The following KIF13B variants were observed in gnomAD, a reference collection of about 807,000 sequenced individuals.
KIF13B encodes kinesin family member 13B.
KIF13B carries 127 observed loss-of-function variants against 222.0 expected under a neutral mutation model. The observed-to-expected ratio is 0.57, with a 90% confidence interval of 0.50 to 0.66. The LOEUF (loss-of-function observed/expected upper bound fraction) is 0.66, where lower values mean the gene tolerates loss of function less well. Among genes scored for constraint, KIF13B ranks in the 30% least tolerant of loss-of-function variants. KIF13B has a pLI of 0.00. For synonymous variants in KIF13B, 976 were observed against 919.0 expected, an observed-to-expected ratio of 1.06 and a Z score of -1.12; for missense variants, 2,173 against 2,379.0, an observed-to-expected ratio of 0.91 and a Z score of 1.80.
intron 37 of KIF13B, among the ~76,000 whole-genome samples, chr8:29,079,357 A>G (rs1446174179): frequency 6.6e-6 from 1 of 152,174 alleles, no homozygotes; most frequent in Admixed American, 6.5e-5. Flanking sequence ...ACACTCACAC[A>G]TGACGGTATC....
intron 38 of KIF13B, 102 bp from the exon 39 acceptor site, chr8:29,072,418 G>GA (rs1807342269): frequency 1.4e-6 from 1 of 715,784 alleles, no homozygotes; most frequent in Non-Finnish European, 2.0e-6. Context: ...CAGGGGCAGT[G>GA]GCTCAGCCTG....
At chr8:29,235,082 A>G (rs1380295157) in intron 2 of KIF13B, among the ~76,000 whole-genome samples, 1 of 152,192 alleles carries the variant, frequency 6.6e-6, no homozygotes, top group African/African-American at 2.4e-5. Context: ...ATTCTTCCCA[A>G]TGGAAATTTA....
At position 29,122,616 on chromosome 8, in the gene KIF13B, A is replaced by T; in HGVS notation, c.3510T>A (p.Ile1170=). 1 of 1,610,458 alleles carries T rather than the reference A, an allele frequency of 6.2e-7. No homozygotes were observed. The highest frequency in any genetic ancestry group is 1.1e-5 in the South Asian group (1 of 89,888). ...CATTTAAGTCCAGGAATATAACAGG[A>T]ATGTGTGTCTCCATCCCAGGTACTG... ...WTPVPGMETH[I]PVIFLDLNAD... is the part of the protein sequence containing the mutation. Residue 1170 remains isoleucine (I), a synonymous_variant, in exon 29 of 40, where the codon ATT becomes ATA. Coordinates refer to ENST00000524189, the MANE Select transcript of KIF13B (RefSeq NM_015254.4).
At chr8:29,209,864 C>A (rs1402345400) in intron 2 of KIF13B, among the ~76,000 whole-genome samples, 1 of 127,026 alleles carries the variant, frequency 7.9e-6, no homozygotes, top group Non-Finnish European at 1.6e-5. Flanking sequence ...CCAGTCTGGG[C>A]AGTGAGACCC....
chr8:29,221,465 TAA>T (rs758078417), intron 2 of KIF13B, among the ~76,000 whole-genome samples: 63 of 130,482 alleles, frequency 4.8e-4, no homozygotes, highest in Non-Finnish European at 5.1e-4. Flanking sequence ...ACCCTGTATT[TAA>T]AAAAAAAAAA....
chr8:29,140,513 A>G lies in KIF13B; in HGVS notation c.2439T>C (p.Asp813=). The change falls in exon 20 of 40, where the codon GAT becomes GAC. Residue 813 remains aspartate, a synonymous_variant. Transcript: ENST00000524189. ...ANVFLESLFY[D]VKLQYAVPII... ...TGGGAACAGCGTATTGTAACTTCACATCATAGAAAAGTGACTCGAGGAAGA... is the reference window on the plus strand; with the variant it reads ...TGGGAACAGCGTATTGTAACTTCACGTCATAGAAAAGTGACTCGAGGAAGA... 1.2e-6 allele frequency: 2 copies of G among 1,613,972 alleles called. No homozygotes were observed. The highest frequency in any genetic ancestry group is 1.7e-6 in the Non-Finnish European group (2 of 1,179,860).
At chr8:29,086,148 G>T (rs1428793376) in intron 37 of KIF13B, among the ~76,000 whole-genome samples, 1 of 151,862 alleles carries the variant, frequency 6.6e-6, no homozygotes, top group African/African-American at 2.4e-5. Flanking sequence ...TGCATTTCTA[G>T]TAGTAATAAA....
chr8:29,239,807 T>C (rs1475382775), intron 2 of KIF13B, among the ~76,000 whole-genome samples: 2 of 152,086 alleles, frequency 1.3e-5, no homozygotes, highest in Admixed American at 6.5e-5. Context: ...GCATTACAGG[T>C]GCCCGCCACC....
At chr8:29,075,196 CTG>C (rs2133480600) in intron 38 of KIF13B, 83 bp downstream of exon 38, 4 of 1,030,626 alleles carry the variant, frequency 3.9e-6, no homozygotes, top group Admixed American at 2.0e-5. Flanking sequence ...ACATCAAAAA[CTG>C]TGGGTGTGGA....
At chr8:29,176,708 A>G (rs1271544305) in intron 9 of KIF13B, among the ~76,000 whole-genome samples, 1 of 152,216 alleles carries the variant, frequency 6.6e-6, no homozygotes, top group Non-Finnish European at 1.5e-5. Flanking sequence ...ATTACTTCGT[A>G]TTATTCGTAG....
At chr8:29,236,649 T>A (rs996898520) in intron 2 of KIF13B, among the ~76,000 whole-genome samples, 1 of 152,172 alleles carries the variant, frequency 6.6e-6, no homozygotes, top group African/African-American at 2.4e-5. Flanking sequence ...AAGTTTTTAC[T>A]TAATTAAAAG....
rs778175455 is a variant in KIF13B at position 29,072,137 on chromosome 8, C to A, written c.4701G>T (p.Gly1567=). ...PPSPLSEASS[G]YFSHSVSTAT... Reference sequence around the variant, plus strand: ...CGGTGGAGACGCTGTGGGAGAAGTACCCGCTAGAGGCTTCACTCAGGGGGC... The same window carrying A: ...CGGTGGAGACGCTGTGGGAGAAGTAACCGCTAGAGGCTTCACTCAGGGGGC... Residue 1567 remains glycine, a synonymous_variant, in exon 39 of 40, where the codon GGG becomes GGT. Transcript: ENST00000524189. The A allele has an allele frequency of 7.2e-7, 1 of 1,394,528 alleles. No homozygotes were observed. The highest frequency in any genetic ancestry group is 9.3e-7 in the Non-Finnish European group (1 of 1,072,482). The allele number at this position is 1,394,528 out of a possible 1,614,324, so 86.4% of individuals were successfully genotyped here.
intron 36 of KIF13B, among the ~76,000 whole-genome samples, chr8:29,093,171 C>A (rs1189625895): frequency 2.0e-5 from 3 of 152,168 alleles, no homozygotes; most frequent in Admixed American, 6.5e-5. Context: ...CTAATTGGCA[C>A]AAGCATTCAC....
In KIF13B at chr8:29,176,684, CT is replaced by C. The variant is rs1812493022; in HGVS notation, c.834-506del. 2.6e-5 allele frequency among the ~76,000 whole-genome samples: 4 copies of C among 152,272 alleles called. No individual in the cohort carries two copies. The South Asian group carries it at 8.3e-4, about 32-fold the overall frequency. ...AAAATGTGAAGTCCATATGAAGGAA[CT>C]GATAAACAAAATATTACTTCGTATT... On this transcript the variant is annotated intron_variant, in intron 9 of 39. Transcript: ENST00000524189.
chr8:29,137,344 A>C (rs192544550), intron 21 of KIF13B, among the ~76,000 whole-genome samples: 259 of 152,364 alleles, frequency 1.7e-3, no homozygotes, highest in African/African-American at 5.6e-3. Context: ...GGTTTTCAAA[A>C]AAGTTTTTGC....
At chr8:29,257,667 C>A (rs557521781) in intron 1 of KIF13B, among the ~76,000 whole-genome samples, 2 of 152,218 alleles carry the variant, frequency 1.3e-5, no homozygotes, top group African/African-American at 4.8e-5. Context: ...ATTAGACAGA[C>A]ATGGTTGTGC....
intron 9 of KIF13B, among the ~76,000 whole-genome samples, chr8:29,176,789 C>G (rs1330515190): frequency 6.6e-6 from 1 of 151,770 alleles, no homozygotes; most frequent in African/African-American, 2.4e-5. Flanking sequence ...CTGAGAAACC[C>G]TGACCTGACT....
intron 18 of KIF13B, among the ~76,000 whole-genome samples, chr8:29,143,653 C>T (rs1029879180): frequency 2.0e-5 from 3 of 152,100 alleles, no homozygotes; most frequent in Non-Finnish European, 2.9e-5. Context: ...TGAGACCAGC[C>T]TGGCCAATAT....
intron 21 of KIF13B, among the ~76,000 whole-genome samples, chr8:29,139,598 T>TA (rs1409302818): frequency 6.6e-6 from 1 of 152,182 alleles, no homozygotes; most frequent in African/African-American, 2.4e-5. Flanking sequence ...ACACGTAACT[T>TA]ACTCCCTTCA....
Sources: gnomAD v4.1 joint callset for allele counts (sites outside exome capture counted in the v4.1 genomes callset) on GRCh38, gnomAD v4.1.1 for gene constraint, MANE v1.5 for transcripts, NCBI Gene and HGNC (gene_info 2026-07-23, HGNC 2026-07-21) for gene names.